The following PTPRD variants were observed in gnomAD, a reference collection of about 807,000 sequenced individuals.
The protein encoded by PTPRD is receptor-type tyrosine-protein phosphatase delta.
In PTPRD, 34 loss-of-function variants were observed where a neutral mutation model predicts 214.5. The observed-to-expected ratio is 0.16, with a 90% confidence interval of 0.12 to 0.21. The LOEUF is 0.21. Among genes scored for constraint, PTPRD ranks in the 10% least tolerant of loss-of-function variants. The pLI is 1.00. For missense variants in PTPRD, 2,545 were observed against 2,398.7 expected (o/e 1.06, Z -1.27); for synonymous variants, 1,128 against 845.7 (o/e 1.33, Z -5.79).
chr9:8,375,838 C>T (rs1048903494), intron 39 of PTPRD, 98 bp downstream of exon 39: 6 of 1,377,258 alleles, frequency 4.4e-6, no homozygotes, highest in African/African-American at 1.5e-5. Flanking sequence ...TTTATGAAGA[C>T]ATTTACTATT....
chr9:9,600,962 G>T (rs187898495), intron 7 of PTPRD, among the ~76,000 whole-genome samples: 1 of 151,974 alleles, frequency 6.6e-6, no homozygotes, highest in Admixed American at 6.6e-5. Flanking sequence ...AAAACCACCT[G>T]GCCATTGGTA....
chr9:10,279,342 T>C (rs2094950121), intron 3 of PTPRD, among the ~76,000 whole-genome samples: 1 of 152,146 alleles, frequency 6.6e-6, no homozygotes, highest in Admixed American at 6.6e-5. Context: ...CATAACAGTT[T>C]GGTGATTTAG....
intron 12 of PTPRD, among the ~76,000 whole-genome samples, chr9:8,714,815 C>A (rs1489141083): frequency 3.9e-5 from 6 of 152,146 alleles, no homozygotes; most frequent in African/African-American, 9.7e-5. Context: ...TTTCTCCCAC[C>A]ATAATACTTA....
intron 5 of PTPRD, among the ~76,000 whole-genome samples, chr9:9,767,893 T>C (rs1175813071): frequency 2.0e-5 from 3 of 152,180 alleles, no homozygotes; most frequent in Non-Finnish European, 4.4e-5. Context: ...GGATTGGTTG[T>C]TATTGTTATA....
At chr9:8,707,065 A>C (rs1329107303) in intron 12 of PTPRD, among the ~76,000 whole-genome samples, 1 of 152,224 alleles carries the variant, frequency 6.6e-6, no homozygotes, top group Non-Finnish European at 1.5e-5. Context: ...ACCTAGACTA[A>C]TTAAGATAAT....
intron 10 of PTPRD, among the ~76,000 whole-genome samples, chr9:9,084,129 A>G (rs2099763346): frequency 6.6e-6 from 1 of 152,216 alleles, no homozygotes; most frequent in South Asian, 2.1e-4. Flanking sequence ...CACTATCACA[A>G]TAGCAAAGAC....
chr9:9,475,188 C>T (rs2094933823), intron 8 of PTPRD, among the ~76,000 whole-genome samples: 1 of 152,184 alleles, frequency 6.6e-6, no homozygotes, highest in African/African-American at 2.4e-5. Flanking sequence ...ACTTTCTCAA[C>T]ATCCACAGCA....
chr9:9,594,031 C>A (rs542900151), intron 7 of PTPRD, among the ~76,000 whole-genome samples: 1 of 152,006 alleles, frequency 6.6e-6, no homozygotes, highest in East Asian at 1.9e-4. Flanking sequence ...GGACAATGGA[C>A]GATAGTTAAT....
At chr9:10,179,622 T>C (rs1204422231) in intron 3 of PTPRD, among the ~76,000 whole-genome samples, 1 of 152,098 alleles carries the variant, frequency 6.6e-6, no homozygotes, top group African/African-American at 2.4e-5. Context: ...ACATTTATTA[T>C]AGGTTTATTG....
At chr9:9,797,243 GTTTTTT>G (rs56375104) in intron 5 of PTPRD, among the ~76,000 whole-genome samples, 2 of 98,100 alleles carry the variant, frequency 2.0e-5, no homozygotes, top group African/African-American at 8.0e-5. Flanking sequence ...ATTTCAGGCA[GTTTTTT>G]TTTTTTTTTT....
At chr9:9,494,422 T>C (rs1473794128) in intron 8 of PTPRD, among the ~76,000 whole-genome samples, 1 of 152,162 alleles carries the variant, frequency 6.6e-6, no homozygotes, top group African/African-American at 2.4e-5. Context: ...ATTGTTGTTC[T>C]AAAGAAATTG....
chr9:9,300,220 G>C (rs759091549), intron 9 of PTPRD, among the ~76,000 whole-genome samples: 22 of 150,428 alleles, frequency 1.5e-4, no homozygotes, highest in Non-Finnish European at 5.9e-5. Context: ...CTTTGTACTT[G>C]GGATAAAATT....
At chr9:9,784,968 G>A (rs1410671422) in intron 5 of PTPRD, among the ~76,000 whole-genome samples, 1 of 151,238 alleles carries the variant, frequency 6.6e-6, no homozygotes, top group Non-Finnish European at 1.5e-5. Context: ...TACAGGGTTT[G>A]GGTGAATATA....
At chr9:9,192,784 G>T (rs1593265769) in intron 9 of PTPRD, among the ~76,000 whole-genome samples, 1 of 152,066 alleles carries the variant, frequency 6.6e-6, no homozygotes, top group South Asian at 2.1e-4. Flanking sequence ...GAGGAGGGAA[G>T]AAGGGAAAGA....
intron 11 of PTPRD, among the ~76,000 whole-genome samples, chr9:8,955,599 G>A (rs1467070830): frequency 6.6e-6 from 1 of 151,612 alleles, no homozygotes; most frequent in Non-Finnish European, 1.5e-5. Context: ...CCTCTGAGAG[G>A]CTATTTCTGT....
chr9:10,515,476 A>G (rs1213199887), intron 2 of PTPRD, among the ~76,000 whole-genome samples: 1 of 152,048 alleles, frequency 6.6e-6, no homozygotes, highest in East Asian at 1.9e-4. Context: ...CATAGGAGCT[A>G]TGATCTTATG....
chr9:10,368,124 T>C (rs59781784), intron 2 of PTPRD, among the ~76,000 whole-genome samples: 1 of 152,122 alleles, frequency 6.6e-6, no homozygotes, highest in African/African-American at 2.4e-5. Flanking sequence ...GGGCTATATG[T>C]GCTGCCTTTG....
intron 27 of PTPRD, among the ~76,000 whole-genome samples, 165 bp downstream of exon 27, chr9:8,492,696 CT>C (rs2097175565): frequency 7.3e-6 from 1 of 136,832 alleles, no homozygotes; most frequent in Non-Finnish European, 1.5e-5. Flanking sequence ...ATTTTTTTCC[CT>C]GATCTATTTT....
chr9:8,933,179 C>T (rs956507979), intron 11 of PTPRD, among the ~76,000 whole-genome samples: 4 of 151,886 alleles, frequency 2.6e-5, no homozygotes, highest in Non-Finnish European at 5.9e-5. Context: ...TGCTTCTGCT[C>T]GCCCTTCATG....
Sources: allele counts gnomAD v4.1 joint callset (sites outside exome capture counted in the v4.1 genomes callset), GRCh38; gene constraint gnomAD v4.1.1; transcripts MANE v1.5; gene names NCBI Gene and HGNC (gene_info 2026-07-23, HGNC 2026-07-21).